EEF1G: variants seen among roughly 807,000 people sequenced by gnomAD.
EEF1G encodes elongation factor 1-gamma.
A neutral mutation model predicts 58.3 loss-of-function variants in EEF1G; 14 were observed. The ratio of observed to expected loss-of-function variants is 0.24; its 90% CI spans 0.16 to 0.38. The LOEUF is 0.38. Ranked by LOEUF, EEF1G falls within the 10% of genes least tolerant of loss-of-function variation. EEF1G has a pLI of 1.00. For missense variants in EEF1G, 322 were observed against 550.1 expected, an observed-to-expected ratio of 0.59 and a Z score of 4.15; for synonymous variants, 180 against 206.8, an observed-to-expected ratio of 0.87 and a Z score of 1.11.
chr11:62,565,543 C>T (rs1385961741), intron 7 of EEF1G, among the ~76,000 whole-genome samples: 1 of 151,732 alleles, frequency 6.6e-6, no homozygotes, highest in African/African-American at 2.4e-5. Context: ...CATTTATTTC[C>T]TGCCCAGAGT....
At chr11:62,572,882 T>C (rs1172099643) in intron 1 of EEF1G, 140 bp from the exon 2 acceptor site, 1 of 703,162 alleles carries the variant, frequency 1.4e-6, no homozygotes, top group Non-Finnish European at 2.3e-6. Flanking sequence ...AGTCCTTTAG[T>C]ACTTGTCATA....
At chr11:62,570,313 A>C (rs568768260) in intron 5 of EEF1G, among the ~76,000 whole-genome samples, 4 of 151,824 alleles carry the variant, frequency 2.6e-5, no homozygotes, top group African/African-American at 9.7e-5. Context: ...CCACCCGCCT[A>C]GGCCTCCCAA....
Position 62,571,125 on chromosome 11 carries a change from A to G in EEF1G, c.379-17T>C. ...CTCAGTGGCCTAGTGATTCAACATG[A>G]TAAAACTCATCAGTGGGTACCAATC... is the stretch of plus-strand genomic sequence containing the variant. On this transcript the variant is annotated splice_polypyrimidine_tract_variant and intron_variant, in intron 4 of 9. Coordinates refer to ENST00000329251, the MANE Select transcript of EEF1G (RefSeq NM_001404.5). The G allele has an allele frequency of 6.2e-7, 1 of 1,613,836 alleles. No homozygotes were observed.
Position 62,559,869 on chromosome 11 carries a change from T to C in EEF1G, c.1156-32A>G, listed in dbSNP as rs564223105. The C allele has an allele frequency of 2.5e-6, 4 of 1,613,868 alleles. No homozygotes were observed. In the East Asian group the frequency reaches 8.9e-5, roughly 36 times the overall value. On this transcript the variant is annotated intron_variant, in intron 9 of 9. Coordinates refer to ENST00000329251, the MANE Select transcript of EEF1G (RefSeq NM_001404.5). ...ATAAAAAGCCAGCATGTGGTCAAGT[T>C]ATGAGACACCACCCCACACCTGTGT...
At chr11:62,564,517 C>T (rs1228541536) in intron 7 of EEF1G, among the ~76,000 whole-genome samples, 2 of 150,276 alleles carry the variant, frequency 1.3e-5, no homozygotes, top group African/African-American at 2.5e-5. Context: ...AATCCCAGCA[C>T]TTTGGGAGGC....
intron 4 of EEF1G, 79 bp from the exon 5 acceptor site, chr11:62,571,187 G>A (rs901790439): frequency 1.9e-6 from 3 of 1,589,912 alleles, no homozygotes; most frequent in Non-Finnish European, 2.6e-6. Context: ...GAACTAAGAG[G>A]GCTATTTTCA....
At chr11:62,567,221 T>G in intron 6 of EEF1G, 178 bp downstream of exon 6, 1 of 956,446 alleles carries the variant, frequency 1.0e-6, no homozygotes, top group Non-Finnish European at 1.5e-6. Flanking sequence ...TATATAGTAA[T>G]ACAAATTAGT....
At chr11:62,559,904 C>A in intron 9 of EEF1G, 67 bp from the exon 10 acceptor site, 3 of 1,611,118 alleles carry the variant, frequency 1.9e-6, no homozygotes, top group Non-Finnish European at 2.5e-6. Context: ...TTACTTCCAG[C>A]TCAAACACAT....
chr11:62,568,053 C>T (rs1037761000), intron 5 of EEF1G, among the ~76,000 whole-genome samples: 11 of 151,270 alleles, frequency 7.3e-5, no homozygotes, highest in African/African-American at 1.5e-4. Context: ...CACGGTGAAC[C>T]CCCATCTCTC....
In EEF1G at chr11:62,559,794, C is replaced by T. The variant is rs1941475125; in HGVS notation, c.1199G>A (p.Arg400Gln). Reference protein sequence around the residue: ...WQVDYESYTWRKLDPGSEETQ... With the variant: ...WQVDYESYTWQKLDPGSEETQ... Reference sequence around the variant, plus strand: ...CTCCTCGCTGCCAGGATCCAGTTTCCGCCATGTGTATGACTCGTAGTCCAC... The same window carrying T: ...CTCCTCGCTGCCAGGATCCAGTTTCTGCCATGTGTATGACTCGTAGTCCAC... Residue 400 changes from arginine to glutamine, a missense_variant, in exon 10 of 10, where the codon CGG becomes CAG. Arg to Gln is a conservative substitution (Grantham distance 43). Transcript: ENST00000329251. 1.6e-5 allele frequency: 26 copies of T among 1,613,858 alleles called. No homozygotes were observed. The highest frequency in any genetic ancestry group is 2.7e-5 in the African/African-American group (2 of 74,892).
intron 5 of EEF1G, among the ~76,000 whole-genome samples, chr11:62,570,132 G>A (rs540960752): frequency 6.6e-6 from 1 of 151,742 alleles, no homozygotes; most frequent in East Asian, 1.9e-4. Flanking sequence ...CTGGATCTTG[G>A]CTCACTGCTA....
At chr11:62,563,288 G>C (rs536628107) in intron 7 of EEF1G, among the ~76,000 whole-genome samples, 6 of 151,684 alleles carry the variant, frequency 4.0e-5, no homozygotes, top group African/African-American at 1.2e-4. Context: ...TACCGCCCCC[G>C]GCTAATTTTT....
intron 7 of EEF1G, among the ~76,000 whole-genome samples, chr11:62,564,263 G>C (rs1473842416): frequency 6.6e-6 from 1 of 152,076 alleles, no homozygotes; most frequent in Non-Finnish European, 1.5e-5. Flanking sequence ...AGGAGTTTGA[G>C]ACCAGCCTGA....
intron 5 of EEF1G, among the ~76,000 whole-genome samples, chr11:62,568,547 C>A (rs572510588): frequency 1.9e-4 from 29 of 152,034 alleles, no homozygotes; most frequent in African/African-American, 6.5e-4. Flanking sequence ...ATTTCTTTTT[C>A]TAATCTTTTT....
chr11:62,562,897 A>G (rs1456905437), intron 7 of EEF1G, among the ~76,000 whole-genome samples: 1 of 152,034 alleles, frequency 6.6e-6, no homozygotes, highest in Admixed American at 6.5e-5. Context: ...TGCTGTTAAG[A>G]ATTCTTTCAG....
At chr11:62,571,503 C>A (rs1941630699) in intron 4 of EEF1G, 37 bp downstream of exon 4, 2 of 1,570,028 alleles carry the variant, frequency 1.3e-6, no homozygotes, top group African/African-American at 1.4e-5. Context: ...CTGATGCCAC[C>A]CCTGCCCCTG....
intron 7 of EEF1G, among the ~76,000 whole-genome samples, chr11:62,561,400 C>T (rs754448920): frequency 2.0e-5 from 3 of 148,176 alleles, no homozygotes; most frequent in Non-Finnish European, 4.5e-5. Context: ...AAAGGACAGG[C>T]AGGGTGGCTC....
At chr11:62,570,880 A>G (rs1941619223) in intron 5 of EEF1G, 85 bp downstream of exon 5, 3 of 1,576,228 alleles carry the variant, frequency 1.9e-6, no homozygotes, top group Non-Finnish European at 2.6e-6. Context: ...AGTCCTCAGC[A>G]GAATACAGGG....
At chr11:62,566,281 G>A (rs529501451) in intron 7 of EEF1G, among the ~76,000 whole-genome samples, 3 of 152,272 alleles carry the variant, frequency 2.0e-5, no homozygotes, top group East Asian at 3.9e-4. Context: ...CTCGGTTGTG[G>A]AACAATGAAC....
Sources: gnomAD v4.1 joint callset for allele counts (sites outside exome capture counted in the v4.1 genomes callset) on GRCh38, gnomAD v4.1.1 for gene constraint, MANE v1.5 for transcripts, NCBI Gene and HGNC (gene_info 2026-07-23, HGNC 2026-07-21) for gene names.